The following TLL2 variants were observed in gnomAD, a reference collection of about 807,000 sequenced individuals.
The protein encoded by TLL2 is tolloid-like protein 2.
Under a neutral mutation model 123.0 loss-of-function variants are expected in TLL2, and 106 were observed. That is an observed-to-expected ratio of 0.86 (90% CI 0.74 to 1.01). The LOEUF (loss-of-function observed/expected upper bound fraction) is 1.01, where lower values mean the gene tolerates loss of function less well. Ranked by LOEUF, TLL2 falls within the 50% of genes least tolerant of loss-of-function variation. The pLI is 0.00. For missense variants in TLL2, 1,332 were observed against 1,336.7 expected, an observed-to-expected ratio of 1.00 and a Z score of 0.06; for synonymous variants, 494 against 516.8, an observed-to-expected ratio of 0.96 and a Z score of 0.60.
chr10:96,486,620 G>T (rs1287804036), intron 1 of TLL2, among the ~76,000 whole-genome samples: 1 of 152,204 alleles, frequency 6.6e-6, no homozygotes, highest in African/African-American at 2.4e-5. Flanking sequence ...TCTCTCCCAT[G>T]AAGTGCAGGA....
intron 16 of TLL2, among the ~76,000 whole-genome samples, chr10:96,381,030 C>T (rs1846182792): frequency 1.3e-5 from 2 of 152,238 alleles, no homozygotes; most frequent in Admixed American, 1.3e-4. Context: ...ACACCCAGCA[C>T]TGACCCACCT....
At chr10:96,495,161 G>A (rs1002884749) in intron 1 of TLL2, among the ~76,000 whole-genome samples, 4 of 152,176 alleles carry the variant, frequency 2.6e-5, no homozygotes, top group African/African-American at 9.7e-5. Flanking sequence ...GTCACCTAGA[G>A]ATAAGCCCAG....
chr10:96,495,012 T>C lies in TLL2; in HGVS notation c.176-14553A>G, dbSNP rs530646342. On this transcript the variant is annotated intron_variant, in intron 1 of 20. Coordinates refer to ENST00000357947, the MANE Select transcript of TLL2 (RefSeq NM_012465.4). Reference sequence around the variant, plus strand: ...GAGTCCATGGTCACTGACCTTACGTTTGATTTCACTACATTTTCTTTTAGA... The same window carrying C: ...GAGTCCATGGTCACTGACCTTACGTCTGATTTCACTACATTTTCTTTTAGA... 1.1e-4 allele frequency among the ~76,000 whole-genome samples: 17 copies of C among 152,296 alleles called. No homozygotes were observed. The East Asian group carries it at 2.9e-3, about 26-fold the overall frequency.
chr10:96,368,388 T>C (rs1439191354), intron 20 of TLL2, among the ~76,000 whole-genome samples, 166 bp from the exon 21 acceptor site: 5 of 152,212 alleles, frequency 3.3e-5, no homozygotes, highest in African/African-American at 1.2e-4. Flanking sequence ...CATTGCAAAT[T>C]CTGCTCCAGG....
intron 9 of TLL2, among the ~76,000 whole-genome samples, chr10:96,409,244 A>T (rs1320928390): frequency 2.0e-5 from 3 of 152,188 alleles, no homozygotes; most frequent in Non-Finnish European, 4.4e-5. Flanking sequence ...GACTGTGTGG[A>T]GTGCTGGGGC....
chr10:96,476,873 C>CACACACACACACAG (rs1554939721), intron 2 of TLL2, among the ~76,000 whole-genome samples: 10 of 138,674 alleles, frequency 7.2e-5, no homozygotes, highest in African/African-American at 2.5e-4. Flanking sequence ...CACACACACA[C>CACACACACACACAG]ACACACACAC....
At chr10:96,389,002 C>T (rs1015309161) in intron 13 of TLL2, among the ~76,000 whole-genome samples, 1 of 152,108 alleles carries the variant, frequency 6.6e-6, no homozygotes, top group Non-Finnish European at 1.5e-5. Context: ...AATAAGTATG[C>T]TAAAATAGTA....
In TLL2 at chr10:96,513,707, GC is replaced by G; in HGVS notation, c.-23del. The G allele has an allele frequency of 2.0e-6, 3 of 1,487,976 alleles. No homozygotes were observed. The highest frequency in any genetic ancestry group is 2.2e-5 in the Admixed American group (1 of 45,620). The allele number at this position is 1,487,976 out of a possible 1,614,324, so 92.2% of individuals were successfully genotyped here. On this transcript the variant is annotated 5_prime_UTR_variant, in exon 1 of 21. Coordinates refer to ENST00000357947, the MANE Select transcript of TLL2 (RefSeq NM_012465.4). ...GCATGGTGGCGCGGGGCCGGCTGGG[GC>G]AGAGGGAGTTGCGTGCACGAAAGCT... is the stretch of plus-strand genomic sequence containing the variant.
Position 96,368,134 on chromosome 10 carries a change from C to G in TLL2, c.3002G>C (p.Arg1001Pro). 2 of 1,614,210 alleles carry G rather than the reference C, an allele frequency of 1.2e-6. No homozygotes were observed. Among genetic ancestry groups the G allele is most frequent in the Non-Finnish European group, 1.7e-6 (2 of 1,180,030 alleles). ...ATCCTGGAACTTGGTGCTGGTGTATCGGGCATGAAAGCCTTTCTTGTTGAT... is the reference window on the plus strand; with the variant it reads ...ATCCTGGAACTTGGTGCTGGTGTATGGGGCATGAAAGCCTTTCTTGTTGAT... ...DTINKKGFHA[R>P]YTSTKFQDAL... Residue 1001 changes from arginine to proline, a missense_variant, in exon 21 of 21, where the codon CGA becomes CCA. Coordinates refer to ENST00000357947, the MANE Select transcript of TLL2 (RefSeq NM_012465.4).
At chr10:96,411,662 C>T (rs910430454) in intron 8 of TLL2, among the ~76,000 whole-genome samples, 1 of 152,230 alleles carries the variant, frequency 6.6e-6, no homozygotes, top group African/African-American at 2.4e-5. Context: ...AGAGCCCCTC[C>T]TCTTATGTGG....
intron 19 of TLL2, 149 bp downstream of exon 19, chr10:96,373,447 T>G (rs1028865828): frequency 1.6e-5 from 12 of 748,672 alleles, no homozygotes; most frequent in Non-Finnish European, 2.4e-5. Context: ...AGCTTGATGC[T>G]TCATTTTAAT....
chr10:96,429,627 G>A (rs775137088), intron 4 of TLL2, among the ~76,000 whole-genome samples: 2 of 152,174 alleles, frequency 1.3e-5, no homozygotes, highest in South Asian at 4.1e-4. Context: ...TTTGAAGTAG[G>A]GGGGAGTCAA....
intron 8 of TLL2, chr10:96,410,773 T>C (rs1374776719): frequency 6.3e-6 from 3 of 472,836 alleles, no homozygotes; most frequent in East Asian, 9.8e-5. Flanking sequence ...TTTCCTAGAC[T>C]TGCTGGACCT....
chr10:96,491,954 T>C (rs1426041596), intron 1 of TLL2, among the ~76,000 whole-genome samples: 3 of 152,162 alleles, frequency 2.0e-5, no homozygotes, highest in African/African-American at 7.2e-5. Context: ...ATGTTCCCCA[T>C]CTGATGCCAT....
chr10:96,441,565 G>C (rs571507715), intron 3 of TLL2, among the ~76,000 whole-genome samples: 1 of 152,294 alleles, frequency 6.6e-6, no homozygotes, highest in East Asian at 1.9e-4. Context: ...CAGCCCAAAG[G>C]TTAAGATCAA....
rs554241697 is a variant in TLL2, at chr10:96,376,372, G to A, written c.2448+320C>T. ...TCATTTTTAATCATGAGACTGTATT[G>A]TCTTGTAAAAAATTAAAACTGGAAA... On this transcript the variant is annotated intron_variant, in intron 18 of 20. Transcript: ENST00000357947. Among the ~76,000 whole-genome samples the A allele has an allele frequency of 1.2e-4, 19 of 152,264 alleles. No homozygotes were observed. In the South Asian group the frequency reaches 3.7e-3, roughly 30 times the overall value.
chr10:96,465,173 C>G (rs933038808), intron 2 of TLL2, among the ~76,000 whole-genome samples: 3 of 152,170 alleles, frequency 2.0e-5, no homozygotes, highest in African/African-American at 7.2e-5. Context: ...GGACAGATGT[C>G]AGCTCTGTTC....
chr10:96,493,750 C>CA (rs886844087), intron 1 of TLL2, among the ~76,000 whole-genome samples: 3 of 152,164 alleles, frequency 2.0e-5, no homozygotes, highest in Admixed American at 1.3e-4. Context: ...AAACACCCCC[C>CA]ACACCCAAAA....
rs145863300 is a variant in TLL2 at position 96,391,471 on chromosome 10, T to C, written c.1726+3716A>G. Among the ~76,000 whole-genome samples the C allele has an allele frequency of 4.1e-4, 63 of 152,232 alleles. 1 individual carries two copies. Among genetic ancestry groups the C allele is most frequent in the African/African-American group, 1.5e-3 (62 of 41,542 alleles). ...AGTGTCAGAATCAAATCACAAACAC[T>C]AAGGAAAAATTCCACCCCCTTCACG... On this transcript the variant is annotated intron_variant, in intron 13 of 20. Transcript: ENST00000357947.
Sources: allele counts gnomAD v4.1 joint callset (sites outside exome capture counted in the v4.1 genomes callset), GRCh38; gene constraint gnomAD v4.1.1; transcripts MANE v1.5; gene names NCBI Gene and HGNC (gene_info 2026-07-23, HGNC 2026-07-21).